Variants in MGAT4C observed in about 807,000 individuals in gnomAD.
MGAT4C encodes alpha-1,3-mannosyl-glycoprotein 4-beta-N-acetylglucosaminyltransferase C.
MGAT4C carries 19 observed loss-of-function variants against 40.1 expected under a neutral mutation model. The observed-to-expected ratio is 0.47, with a 90% CI of 0.33 to 0.70. MGAT4C has a LOEUF of 0.70. MGAT4C is among the 30% of genes least tolerant of loss of function. The pLI is 0.02. For missense variants in MGAT4C, 491 were observed against 563.2 expected, an observed-to-expected ratio of 0.87 and a Z score of 1.30; for synonymous variants, 181 against 187.1, an observed-to-expected ratio of 0.97 and a Z score of 0.27.
rs188166364 is a variant in MGAT4C, at chr12:86,204,642, T to C, written c.-57+51597A>G. 7.2e-5 allele frequency among the ~76,000 whole-genome samples: 11 copies of C among 152,290 alleles called. No individual in the cohort carries two copies. The East Asian group carries it at 2.1e-3, about 29-fold the overall frequency. On this transcript the variant is annotated intron_variant, in intron 1 of 4. Coordinates refer to ENST00000611864, the MANE Select transcript of MGAT4C (RefSeq NM_001351288.2). ...TCTGTTCAAAGTATCTTATTTTCTA[T>C]ATTCTGAGTTACTTTAACCTTAGGC... is the stretch of plus-strand genomic sequence containing the variant.
chr12:86,238,110 A>T (rs2136035435), intron 1 of MGAT4C, among the ~76,000 whole-genome samples: 1 of 152,046 alleles, frequency 6.6e-6, no homozygotes, highest in South Asian at 2.1e-4. Context: ...AACCTAAAAT[A>T]AAATTAGGAA....
chr12:86,050,154 T>A (rs1009508338), intron 1 of MGAT4C, among the ~76,000 whole-genome samples: 1 of 151,996 alleles, frequency 6.6e-6, no homozygotes, highest in Non-Finnish European at 1.5e-5. Flanking sequence ...ACCAAAAAGG[T>A]GCACAGGCTA....
At chr12:86,411,848 T>G (rs61949515) in intron 3 of MGAT4C, among the ~76,000 whole-genome samples, 15,018 of 152,152 alleles carry the variant, frequency 0.099, 1,001 homozygotes, top group Middle Eastern at 0.25. Context: ...GAATGGTTTT[T>G]CAGGCCAGAC....
intron 1 of MGAT4C, among the ~76,000 whole-genome samples, chr12:86,212,879 G>A (rs1329614595): frequency 2.3e-5 from 1 of 43,036 alleles, no homozygotes; most frequent in Non-Finnish European, 4.3e-5. Flanking sequence ...GCGACAGAGC[G>A]AGACTCCGTC....
chr12:86,428,966 G>A (rs913968714), intron 3 of MGAT4C, among the ~76,000 whole-genome samples: 5 of 151,268 alleles, frequency 3.3e-5, no homozygotes, highest in African/African-American at 1.2e-4. Context: ...TTTCTAATTC[G>A]ATATTTATTA....
At chr12:86,461,506 A>G (rs990489053) in intron 2 of MGAT4C, among the ~76,000 whole-genome samples, 4 of 152,066 alleles carry the variant, frequency 2.6e-5, no homozygotes, top group Non-Finnish European at 5.9e-5. Flanking sequence ...CGGCCTCCCA[A>G]AGTGCTGGGA....
At chr12:86,822,865 T>C (rs1952730289) in intron 1 of MGAT4C, among the ~76,000 whole-genome samples, 1 of 151,210 alleles carries the variant, frequency 6.6e-6, no homozygotes, top group Non-Finnish European at 1.5e-5. Context: ...ACACACATTC[T>C]TCACCAGTGC....
intron 2 of MGAT4C, among the ~76,000 whole-genome samples, chr12:86,568,556 A>ATG (rs1227133365): frequency 2.7e-5 from 4 of 149,536 alleles, no homozygotes; most frequent in African/African-American, 7.3e-5. Context: ...ATATATATAT[A>ATG]TATATATATA....
At chr12:86,116,538 C>G (rs1878451194) in intron 1 of MGAT4C, among the ~76,000 whole-genome samples, 1 of 151,880 alleles carries the variant, frequency 6.6e-6, no homozygotes, top group Non-Finnish European at 1.5e-5. Context: ...AATTGGAAAA[C>G]AGAAGAAATA....
At chr12:86,714,197 T>A (rs569714261) in intron 2 of MGAT4C, among the ~76,000 whole-genome samples, 1 of 152,288 alleles carries the variant, frequency 6.6e-6, no homozygotes, top group Non-Finnish European at 1.5e-5. Context: ...TTCAGTATTT[T>A]TACCAAAATG....
intron 1 of MGAT4C, among the ~76,000 whole-genome samples, chr12:86,784,392 T>C (rs1292894025): frequency 6.6e-6 from 1 of 152,024 alleles, no homozygotes; most frequent in Non-Finnish European, 1.5e-5. Context: ...GAATTGAGTA[T>C]TGGGTTTAGC....
chr12:86,486,131 T>C (rs1443457353), intron 2 of MGAT4C, among the ~76,000 whole-genome samples: 1 of 152,140 alleles, frequency 6.6e-6, no homozygotes, highest in African/African-American at 2.4e-5. Context: ...CACATAGCTC[T>C]TCTATTAAGT....
At chr12:86,514,040 C>G (rs996833717) in intron 2 of MGAT4C, among the ~76,000 whole-genome samples, 1 of 148,256 alleles carries the variant, frequency 6.7e-6, no homozygotes, top group Admixed American at 6.8e-5. Flanking sequence ...TTGTCAGCTG[C>G]CTAAGTGTTG....
chr12:86,744,244 A>G (rs1422200287), intron 1 of MGAT4C, among the ~76,000 whole-genome samples: 1 of 151,114 alleles, frequency 6.6e-6, no homozygotes, highest in African/African-American at 2.4e-5. Context: ...ACTTCTTTCT[A>G]CTCTACCATA....
At chr12:86,093,042 T>C (rs761324564) in intron 1 of MGAT4C, among the ~76,000 whole-genome samples, 7 of 152,098 alleles carry the variant, frequency 4.6e-5, no homozygotes, top group Non-Finnish European at 1.0e-4. Context: ...TGTGTGATAT[T>C]CTCCTCCCTG....
Position 86,465,543 on chromosome 12 carries a change from A to G in MGAT4C, c.-228-30278T>C, listed in dbSNP as rs993102489. On this transcript the variant is annotated intron_variant, in intron 2 of 7. Transcript: ENST00000548651. ...AAACCTCAACAATAAAAAGCAAAAA[A>G]CCTGAGTTAAAAAAAAAATAGTATT... Among the ~76,000 whole-genome samples, 61 of 150,536 alleles carry G rather than the reference A, an allele frequency of 4.1e-4. 1 individual carries two copies. Among genetic ancestry groups the G allele is most frequent in the African/African-American group, 1.3e-3 (53 of 41,346 alleles).
chr12:86,421,027 T>TAGG lies in MGAT4C; in HGVS notation c.-120+14129_-120+14130insCCT. 5.9e-5 allele frequency among the ~76,000 whole-genome samples: 9 copies of TAGG among 152,130 alleles called. 1 individual carries two copies. Among genetic ancestry groups the TAGG allele is most frequent in the African/African-American group, 2.2e-4 (9 of 41,550 alleles). On this transcript the variant is annotated intron_variant, in intron 3 of 7. Transcript: ENST00000548651. Reference sequence around the variant, plus strand: ...GGTTCACATTTCAAAACTCCTTTTATAGTAATAAAATATAGTGAGACATTG... The same window carrying TAGG: ...GGTTCACATTTCAAAACTCCTTTTATAGGAGTAATAAAATATAGTGAGACATTG...
chr12:86,760,060 C>T (rs1454208956), intron 1 of MGAT4C, among the ~76,000 whole-genome samples: 4 of 152,028 alleles, frequency 2.6e-5, no homozygotes, highest in Non-Finnish European at 5.9e-5. Context: ...CAGCATGGTA[C>T]TGGAATAAAA....
intron 1 of MGAT4C, among the ~76,000 whole-genome samples, chr12:86,730,239 A>G (rs1462425301): frequency 6.6e-6 from 1 of 152,062 alleles, no homozygotes; most frequent in African/African-American, 2.4e-5. Flanking sequence ...GTCAACTGCT[A>G]CTTGATAGAT....
Sources: allele counts gnomAD v4.1 joint callset (sites outside exome capture counted in the v4.1 genomes callset), GRCh38; gene constraint gnomAD v4.1.1; transcripts MANE v1.5; gene names NCBI Gene and HGNC (gene_info 2026-07-23, HGNC 2026-07-21).